Variants in ADAMTS17 observed in about 807,000 individuals in gnomAD.
The protein encoded by ADAMTS17 is A disintegrin and metalloproteinase with thrombospondin motifs 17.
ADAMTS17 carries 113 observed loss-of-function variants against 141.5 expected under a neutral mutation model. The ratio of observed to expected loss-of-function variants is 0.80; its 90% CI spans 0.69 to 0.93. The LOEUF (loss-of-function observed/expected upper bound fraction) is 0.93. Ranked by LOEUF, ADAMTS17 falls within the 40% of genes least tolerant of loss-of-function variation. The pLI is 0.00. For missense variants in ADAMTS17, 1,659 were observed against 1,517.9 expected, an observed-to-expected ratio of 1.09 and a Z score of -1.54; for synonymous variants, 768 against 630.6, an observed-to-expected ratio of 1.22 and a Z score of -3.27.
intron 13 of ADAMTS17, among the ~76,000 whole-genome samples, chr15:100,113,489 G>A (rs937783451): frequency 1.3e-5 from 2 of 152,188 alleles, no homozygotes; most frequent in East Asian, 3.9e-4. Flanking sequence ...TTGATGCACT[G>A]TCATTACCTT....
In ADAMTS17 at chr15:100,184,265, ACTGTGGAAAGCTC is replaced by A. The variant is rs1373831307; in HGVS notation, c.1181+15040_1181+15052del. Among the ~76,000 whole-genome samples the A allele has an allele frequency of 2.8e-4, 37 of 131,944 alleles. No homozygotes were observed. The South Asian group carries it at 8.4e-3, about 30-fold the overall frequency. 86.6% of individuals were successfully genotyped at this position (131,944 alleles called of 152,430 possible). On this transcript the variant is annotated intron_variant, in intron 8 of 21. Coordinates refer to ENST00000268070, the MANE Select transcript of ADAMTS17 (RefSeq NM_139057.4). ...ACTGTTCTTGGGTTTTATGTCTAAG[ACTGTGGAAAGCTC>A]CAGACTGTGGAAAGCTCCAGGCTGC... is the stretch of plus-strand genomic sequence containing the variant.
intron 18 of ADAMTS17, among the ~76,000 whole-genome samples, chr15:100,041,328 T>C (rs954496503): frequency 1.3e-5 from 2 of 152,174 alleles, no homozygotes; most frequent in African/African-American, 2.4e-5. Flanking sequence ...ATAAATACCA[T>C]AGGGAAATAT....
rs1291942141 is a variant in ADAMTS17 at position 99,974,325 on chromosome 15, C to G, written c.*77G>C. On this transcript the variant is annotated 3_prime_UTR_variant, in exon 22 of 22. Coordinates refer to ENST00000268070, the MANE Select transcript of ADAMTS17 (RefSeq NM_139057.4). ...TTGTGGCAGCCGGGTGGGGGCGTGG[C>G]CACAAGGCTGGTAGGCTTGCGGGTG... The G allele has an allele frequency of 6.2e-7, 1 of 1,600,182 alleles. No individual in the cohort carries two copies. Among genetic ancestry groups the G allele is most frequent in the Non-Finnish European group, 8.5e-7 (1 of 1,171,574 alleles).
chr15:100,082,719 T>C (rs1392464562), intron 15 of ADAMTS17, among the ~76,000 whole-genome samples: 2 of 151,962 alleles, frequency 1.3e-5, no homozygotes, highest in Admixed American at 6.6e-5. Context: ...TTTCTACAAA[T>C]AGTTATTAGA....
chr15:100,320,808 G>A lies in ADAMTS17; in HGVS notation c.616+10081C>T, dbSNP rs570862249. Reference sequence around the variant, plus strand: ...AGATCGCGCCACTGCACTCCAGCATGGGAGACAGAGCAAGACTCTGTCTCA... The same window carrying A: ...AGATCGCGCCACTGCACTCCAGCATAGGAGACAGAGCAAGACTCTGTCTCA... On this transcript the variant is annotated intron_variant, in intron 3 of 21. Transcript: ENST00000268070. Among the ~76,000 whole-genome samples the A allele has an allele frequency of 3.3e-5, 5 of 152,260 alleles. No individual in the cohort carries two copies. The South Asian group carries it at 1.0e-3, about 32-fold the overall frequency.
At chr15:100,321,017 C>A (rs2045717843) in intron 3 of ADAMTS17, among the ~76,000 whole-genome samples, 1 of 152,100 alleles carries the variant, frequency 6.6e-6, no homozygotes, top group Non-Finnish European at 1.5e-5. Context: ...ATAATTCTAA[C>A]TGCAAAAACA....
At position 99,993,216 on chromosome 15, in the gene ADAMTS17, C is replaced by T. The variant is rs1165279786; in HGVS notation, c.2797-16G>A. 1 of 1,614,114 alleles carries T rather than the reference C, an allele frequency of 6.2e-7. No homozygotes were observed. Among genetic ancestry groups the T allele is most frequent in the East Asian group, 2.2e-5 (1 of 44,878 alleles). ...TGGCAGAGCACTGCAAGACACCATT[C>T]AAATATTTAACCGAGTTCCAATTCG... On this transcript the variant is annotated splice_polypyrimidine_tract_variant and intron_variant, in intron 19 of 21. Transcript: ENST00000268070. This position sits in a 1 kb window ranked among gnomAD's most constrained non-coding sequence, Gnocchi z 4.3.
chr15:100,315,574 A>G (rs1357985576), intron 3 of ADAMTS17, among the ~76,000 whole-genome samples: 2 of 152,186 alleles, frequency 1.3e-5, no homozygotes, highest in Non-Finnish European at 2.9e-5. Flanking sequence ...GATGGCTCAC[A>G]CCTATAATCC....
intron 17 of ADAMTS17, among the ~76,000 whole-genome samples, chr15:100,050,293 T>C (rs1417017874): frequency 2.0e-5 from 3 of 152,212 alleles, no homozygotes; most frequent in South Asian, 2.1e-4. Flanking sequence ...GACTATTCCA[T>C]GTGGGCTATG....
chr15:100,154,987 C>T (rs556299262), intron 9 of ADAMTS17, among the ~76,000 whole-genome samples, 193 bp downstream of exon 9: 4 of 152,344 alleles, frequency 2.6e-5, no homozygotes, highest in Admixed American at 1.3e-4. Flanking sequence ...GTGCGCCCAT[C>T]GCTGGAGCAG....
chr15:100,071,245 A>C (rs2033949096), intron 15 of ADAMTS17, among the ~76,000 whole-genome samples: 1 of 150,302 alleles, frequency 6.7e-6, no homozygotes, highest in Non-Finnish European at 1.5e-5. Context: ...TTGAGGCAAT[A>C]ATTAATAGCT....
chr15:100,198,944 T>C (rs1332400649), intron 8 of ADAMTS17, among the ~76,000 whole-genome samples: 2 of 152,218 alleles, frequency 1.3e-5, no homozygotes, highest in Non-Finnish European at 2.9e-5. Context: ...GAAAAAGACA[T>C]GGAAAGTCAA....
intron 12 of ADAMTS17, among the ~76,000 whole-genome samples, chr15:100,130,631 G>T (rs1596511278): frequency 6.6e-6 from 1 of 152,144 alleles, no homozygotes; most frequent in African/African-American, 2.4e-5. Context: ...AGTGTTCTGT[G>T]ATTTGATCAG....
intron 15 of ADAMTS17, among the ~76,000 whole-genome samples, chr15:100,060,681 G>C (rs1032406930): frequency 6.6e-6 from 1 of 152,220 alleles, no homozygotes; most frequent in Admixed American, 6.5e-5. Context: ...CAGCAAGTCA[G>C]CTCCTTTTAT....
intron 4 of ADAMTS17, among the ~76,000 whole-genome samples, chr15:100,271,062 G>A (rs2043891937): frequency 6.6e-6 from 1 of 152,022 alleles, no homozygotes; most frequent in Admixed American, 6.6e-5. Flanking sequence ...CTATGTTACA[G>A]CATGTGTCAG....
Position 100,281,241 on chromosome 15 carries a change from G to A in ADAMTS17, c.777C>T (p.Thr259=), listed in dbSNP as rs377212581. ...GCTCCGGACTCACCATGTTCATGAC[G>A]GTCAGGATGAACCTCTGGGCGGCCT... ...GAEAAQRFIL[T]VMNMVYNMFQ... is the part of the protein sequence containing the mutation. Residue 259 remains threonine, a synonymous_variant, in exon 4 of 22, where the codon ACC becomes ACT. Coordinates refer to ENST00000268070, the MANE Select transcript of ADAMTS17 (RefSeq NM_139057.4). 223 of 1,605,524 alleles carry A rather than the reference G, an allele frequency of 1.4e-4. 2 individuals are homozygous for A. In the South Asian group the frequency reaches 1.9e-3, roughly 14 times the overall value.
chr15:100,056,947 G>T (rs571639256), intron 15 of ADAMTS17, among the ~76,000 whole-genome samples: 26 of 152,176 alleles, frequency 1.7e-4, no homozygotes, highest in African/African-American at 6.3e-4. Context: ...TTGTGGGACG[G>T]GGCAGATGGG....
Position 100,155,170 on chromosome 15 carries a change from C to T in ADAMTS17, c.1322+10G>A. ...TTGCATTCATCCTATAGAATAATTC[C>T]AGGACTTACTTGAGGAAGTTTTCAA... On this transcript the variant is annotated intron_variant, in intron 9 of 21. Coordinates refer to ENST00000268070, the MANE Select transcript of ADAMTS17 (RefSeq NM_139057.4). 6.2e-7 allele frequency: 1 copy of T among 1,614,124 alleles called. No individual in the cohort carries two copies. Among genetic ancestry groups the T allele is most frequent in the Non-Finnish European group, 8.5e-7 (1 of 1,180,024 alleles).
At chr15:100,025,204 T>C (rs2061483623) in intron 18 of ADAMTS17, among the ~76,000 whole-genome samples, 2 of 152,234 alleles carry the variant, frequency 1.3e-5, no homozygotes, top group Non-Finnish European at 2.9e-5. Context: ...AATGTAAGTT[T>C]CCTTGCCACA....
Sources: gnomAD v4.1 joint callset for allele counts (sites outside exome capture counted in the v4.1 genomes callset) on GRCh38, gnomAD v4.1.1 for gene constraint, Gnocchi (gnomAD v3.1) non-coding constraint, MANE v1.5 for transcripts, NCBI Gene and HGNC (gene_info 2026-07-23, HGNC 2026-07-21) for gene names.